AFF2: variants seen among roughly 807,000 people sequenced by gnomAD.
The protein encoded by AFF2 is ALF transcription elongation factor 2.
Under a neutral mutation model 76.9 loss-of-function variants are expected in AFF2, and 14 were observed. The ratio of observed to expected loss-of-function variants is 0.18; its 90% CI spans 0.12 to 0.28. AFF2 has a LOEUF of 0.28. Among genes scored for constraint, AFF2 ranks in the 10% least tolerant of loss-of-function variants. AFF2 has a pLI of 1.00. For synonymous variants in AFF2, 398 were observed against 366.7 expected (o/e 1.09, Z -0.98); for missense variants, 868 against 1,001.1 (o/e 0.87, Z 1.79).
intron 3 of AFF2, among the ~76,000 whole-genome samples, chrX:148,681,977 T>G (rs2054556071): frequency 9.0e-6 from 1 of 111,608 alleles, no homozygotes; most frequent in Non-Finnish European, 1.9e-5. Context: ...AATAACAGAA[T>G]AAAAGCAGCA....
At chrX:148,867,174 C>G (rs1603321690) in intron 7 of AFF2, among the ~76,000 whole-genome samples, 1 of 112,698 alleles carries the variant, frequency 8.9e-6, no homozygotes, top group African/African-American at 3.2e-5. Flanking sequence ...TGAACCAAAT[C>G]ACAGAGTTGT....
intron 9 of AFF2, among the ~76,000 whole-genome samples, chrX:148,906,730 G>A (rs1297982825): frequency 9.0e-6 from 1 of 111,390 alleles, no homozygotes; most frequent in Non-Finnish European, 1.9e-5. Flanking sequence ...ACACTCTTCT[G>A]GTCCATGTTT....
intron 1 of AFF2, among the ~76,000 whole-genome samples, chrX:148,521,678 G>A (rs1471328625): frequency 3.6e-5 from 4 of 111,763 alleles, no homozygotes; most frequent in African/African-American, 1.3e-4. Flanking sequence ...GGGACAAAAT[G>A]ACCACCTAGC....
At chrX:148,540,407 CT>C (rs113746311) in intron 1 of AFF2, among the ~76,000 whole-genome samples, 9,297 of 93,938 alleles carry the variant, frequency 0.099, 587 homozygotes, top group African/African-American at 0.21. Context: ...AAAAAGTGAC[CT>C]TTTTTTTTTT....
intron 7 of AFF2, among the ~76,000 whole-genome samples, chrX:148,867,296 A>G (rs782408864): frequency 8.9e-6 from 1 of 112,172 alleles, no homozygotes; most frequent in Admixed American, 9.4e-5. Flanking sequence ...TCCTTCTGCC[A>G]AGGGCAAGTA....
At chrX:148,593,012 A>C (rs782638222) in intron 1 of AFF2, among the ~76,000 whole-genome samples, 2 of 111,651 alleles carry the variant, frequency 1.8e-5, no homozygotes, top group African/African-American at 3.3e-5. Context: ...TCAGAACCTC[A>C]GGTTGTTCTG....
intron 1 of AFF2, among the ~76,000 whole-genome samples, chrX:148,537,182 C>G (rs1160461042): frequency 1.8e-5 from 2 of 111,904 alleles, no homozygotes; most frequent in Non-Finnish European, 3.8e-5. Flanking sequence ...AAAATATTTC[C>G]CAGCTGCCTT....
intron 3 of AFF2, among the ~76,000 whole-genome samples, chrX:148,805,801 A>G (rs2070123587): frequency 8.9e-6 from 1 of 112,508 alleles, no homozygotes; most frequent in South Asian, 3.7e-4. Context: ...GAGGGTTCTC[A>G]GTAAACTCAC....
intron 13 of AFF2, among the ~76,000 whole-genome samples, chrX:148,964,944 G>A (rs192259038): frequency 6.1e-4 from 69 of 112,760 alleles, no homozygotes; most frequent in African/African-American, 2.1e-3. Flanking sequence ...TGAAAAAAGC[G>A]GGGACATGTT....
At chrX:148,912,298 C>A (rs899288506) in intron 9 of AFF2, among the ~76,000 whole-genome samples, 4 of 112,153 alleles carry the variant, frequency 3.6e-5, no homozygotes, top group East Asian at 5.6e-4. Context: ...TCCACCCCCC[C>A]ATCAGGCCCT....
intron 7 of AFF2, among the ~76,000 whole-genome samples, chrX:148,871,981 C>T (rs782788955): frequency 4.5e-5 from 5 of 111,288 alleles, no homozygotes; most frequent in Admixed American, 9.5e-5. Flanking sequence ...CATTGGAGAC[C>T]TTCTGCCGTA....
At chrX:148,758,392 C>T (rs1265142830) in intron 3 of AFF2, among the ~76,000 whole-genome samples, 2 of 112,420 alleles carry the variant, frequency 1.8e-5, no homozygotes, top group African/African-American at 6.5e-5. Context: ...CAGACATTTC[C>T]TGTAACTTTT....
intron 16 of AFF2, 30 bp downstream of exon 16, chrX:148,973,637 A>G: frequency 2.6e-6 from 3 of 1,161,380 alleles, no homozygotes; most frequent in Non-Finnish European, 3.5e-6. Context: ...TCATCTTCCT[A>G]CACTCATTTC....
In AFF2 at chrX:148,840,597, CATT is replaced by C. The variant is rs2070587485; in HGVS notation, c.1174-2366_1174-2364del. On this transcript the variant is annotated intron_variant, in intron 5 of 20. Transcript: ENST00000370460. ...TAAGTTTGTGAAAAGAACTTGGCATCATTATATTCTACTGCAAAAATTACATAT... is the reference window on the plus strand; with the variant it reads ...TAAGTTTGTGAAAAGAACTTGGCATCATATTCTACTGCAAAAATTACATAT... 3.5e-5 allele frequency among the ~76,000 whole-genome samples: 4 copies of C among 112,723 alleles called. No homozygotes were observed. The Admixed American group carries it at 3.8e-4, about 11-fold the overall frequency.
intron 1 of AFF2, among the ~76,000 whole-genome samples, chrX:148,569,089 A>T (rs2053200309): frequency 9.0e-6 from 1 of 110,561 alleles, no homozygotes; most frequent in African/African-American, 3.3e-5. Flanking sequence ...ACCTTGGGTA[A>T]GTCACTTTCC....
rs781824094 is a variant in AFF2 at position 148,912,019 on chromosome X, A to T, written c.1397+7761A>T. ...CATCCATGGAAGACTGGGTAAAGAAAATATGGTGTATATACACCGTGGAAT... is the reference window on the plus strand; with the variant it reads ...CATCCATGGAAGACTGGGTAAAGAATATATGGTGTATATACACCGTGGAAT... On this transcript the variant is annotated intron_variant, in intron 9 of 20. Coordinates refer to ENST00000370460, the MANE Select transcript of AFF2 (RefSeq NM_002025.4). Among the ~76,000 whole-genome samples, 9 of 112,467 alleles carry T rather than the reference A, an allele frequency of 8.0e-5. No individual in the cohort carries two copies. In the South Asian group the frequency reaches 3.4e-3, roughly 42 times the overall value.
intron 18 of AFF2, 138 bp from the exon 19 acceptor site, chrX:148,980,600 C>A: frequency 2.5e-6 from 1 of 397,307 alleles, no homozygotes; most frequent in Non-Finnish European, 4.5e-6. Context: ...TGCTGACGTG[C>A]ACATACATCC....
intron 18 of AFF2, among the ~76,000 whole-genome samples, chrX:148,980,356 C>T (rs909885784): frequency 4.8e-4 from 54 of 112,073 alleles, no homozygotes; most frequent in South Asian, 3.7e-4. Context: ...CTCTGCATCC[C>T]AGGGAAAAAG....
chrX:148,639,964 G>T (rs1268084249), intron 1 of AFF2, among the ~76,000 whole-genome samples: 4 of 111,836 alleles, frequency 3.6e-5, no homozygotes, highest in African/African-American at 1.3e-4. Flanking sequence ...ATAGAGAAAG[G>T]AGCTGCTATG....
Sources: allele counts gnomAD v4.1 joint callset (sites outside exome capture counted in the v4.1 genomes callset), GRCh38; gene constraint gnomAD v4.1.1; transcripts MANE v1.5; gene names NCBI Gene and HGNC (gene_info 2026-07-23, HGNC 2026-07-21).